ZNF638: variants seen among roughly 807,000 people sequenced by gnomAD.
ZNF638 encodes the protein CTCL tumor antigen se33-1.
In ZNF638, 46 loss-of-function variants were observed where a neutral mutation model predicts 195.6. The observed-to-expected ratio is 0.24, with a 90% CI of 0.19 to 0.30. The LOEUF is 0.30. Ranked by LOEUF, ZNF638 falls within the 10% of genes least tolerant of loss-of-function variation. ZNF638 has a pLI of 1.00. For missense variants in ZNF638, 2,440 were observed against 2,325.3 expected (o/e 1.05, Z -1.01); for synonymous variants, 845 against 772.0 (o/e 1.09, Z -1.57).
At chr2:71,362,235 G>C (rs1243793293) in intron 3 of ZNF638, among the ~76,000 whole-genome samples, 4 of 151,788 alleles carry the variant, frequency 2.6e-5, no homozygotes. Flanking sequence ...TTGTCGATGT[G>C]CCTAAGATTC....
chr2:71,396,965 A>G (rs1385603531), intron 11 of ZNF638, among the ~76,000 whole-genome samples: 2 of 152,148 alleles, frequency 1.3e-5, no homozygotes, highest in African/African-American at 4.8e-5. Context: ...AAACAAACAA[A>G]TAATCTTTCA....
At chr2:71,374,503 C>T (rs1303793565) in intron 8 of ZNF638, among the ~76,000 whole-genome samples, 1 of 152,020 alleles carries the variant, frequency 6.6e-6, no homozygotes, top group Non-Finnish European at 1.5e-5. Context: ...TAATCTTGAA[C>T]ATTTACTCCT....
At chr2:71,367,154 A>G (rs2104286770) in intron 6 of ZNF638, among the ~76,000 whole-genome samples, 1 of 152,202 alleles carries the variant, frequency 6.6e-6, no homozygotes, top group African/African-American at 2.4e-5. Flanking sequence ...GTATAGGGAA[A>G]ATTTTGAAGA....
At chr2:71,430,789 C>G (rs1471304905) in intron 25 of ZNF638, among the ~76,000 whole-genome samples, 1 of 152,122 alleles carries the variant, frequency 6.6e-6, no homozygotes, top group Non-Finnish European at 1.5e-5. Flanking sequence ...TTGTCTGTCC[C>G]CAAGATCATA....
chr2:71,332,127 A>G (rs1052140444), intron 1 of ZNF638, among the ~76,000 whole-genome samples: 2 of 152,060 alleles, frequency 1.3e-5, no homozygotes, highest in African/African-American at 2.4e-5. Flanking sequence ...CCGTCCGGGT[A>G]CTCGTGAAGG....
rs775818674 is a variant in ZNF638 at position 71,368,449 on chromosome 2, G to T, written c.2063G>T (p.Cys688Phe). ...ATAACTGAATTACCAGAGGATGGTT[G>T]TACTGAAGAAGATGTGAGAAAATTA... ...LLITELPEDGCTEEDVRKLFQ... is the reference protein window; with the variant it reads ...LLITELPEDGFTEEDVRKLFQ... The change falls in exon 7 of 28, where the codon TGT becomes TTT. Residue 688 changes from cysteine (C) to phenylalanine (F), a missense_variant. Around this residue, in one of 5 missense-constraint regions of ZNF638, gnomAD observed 1,883 missense variants for 1,739.1 expected, o/e 1.08. Coordinates refer to ENST00000264447, the MANE Select transcript of ZNF638 (RefSeq NM_014497.5). 6.2e-7 allele frequency: 1 copy of T among 1,613,490 alleles called. No individual in the cohort carries two copies. Among genetic ancestry groups the T allele is most frequent in the Non-Finnish European group, 8.5e-7 (1 of 1,179,654 alleles).
intron 13 of ZNF638, 129 bp from the exon 14 acceptor site, chr2:71,399,983 A>G: frequency 1.5e-6 from 1 of 667,310 alleles, no homozygotes; most frequent in East Asian, 3.1e-5. Context: ...TCAAAGAGAG[A>G]TGTTTGGCTT....
intron 10 of ZNF638, among the ~76,000 whole-genome samples, chr2:71,383,077 C>T (rs1054015824): frequency 1.3e-5 from 2 of 152,204 alleles, no homozygotes; most frequent in East Asian, 3.9e-4. Context: ...AATCCCAGCA[C>T]TTTGGGAGTT....
At chr2:71,390,662 G>C (rs1430347121) in intron 10 of ZNF638, among the ~76,000 whole-genome samples, 1 of 152,174 alleles carries the variant, frequency 6.6e-6, no homozygotes, top group Admixed American at 6.5e-5. Flanking sequence ...GTTAATCACT[G>C]ATCAGAGACC....
chr2:71,360,996 TA>T (rs1357506559), intron 3 of ZNF638, among the ~76,000 whole-genome samples: 1 of 152,156 alleles, frequency 6.6e-6, no homozygotes, highest in Non-Finnish European at 1.5e-5. Context: ...AACCTGAACC[TA>T]ATGAAGATCA....
intron 16 of ZNF638, among the ~76,000 whole-genome samples, chr2:71,403,439 C>G (rs1425488181): frequency 6.6e-6 from 1 of 152,088 alleles, no homozygotes; most frequent in Non-Finnish European, 1.5e-5. Context: ...AAAATGACTT[C>G]ACAATTGTTA....
At chr2:71,336,204 T>C (rs928465549) in intron 1 of ZNF638, among the ~76,000 whole-genome samples, 2 of 151,996 alleles carry the variant, frequency 1.3e-5, no homozygotes, top group Non-Finnish European at 2.9e-5. Context: ...AAACCCCGTC[T>C]CTACTAAAAA....
rs529409039 is a variant in ZNF638, at chr2:71,350,721, CAATT to C, written c.1317+454_1317+457del. 1.4e-3 allele frequency among the ~76,000 whole-genome samples: 214 copies of C among 152,216 alleles called. 1 individual carries two copies. The highest frequency in any genetic ancestry group is 5.0e-3 in the African/African-American group (206 of 41,536). On this transcript the variant is annotated intron_variant, in intron 2 of 27. Transcript: ENST00000264447. ...ATATACACCTGTCTTGGGATAAAGA[CAATT>C]AATGTTGATTTAAATATTTCCTGAC...
chr2:71,362,814 A>G (rs1306304453), intron 3 of ZNF638, among the ~76,000 whole-genome samples: 1 of 152,196 alleles, frequency 6.6e-6, no homozygotes, highest in African/African-American at 2.4e-5. Flanking sequence ...CATATGGAAT[A>G]TGATAGGAGT....
chr2:71,335,224 A>G (rs1244540166), intron 1 of ZNF638, among the ~76,000 whole-genome samples: 1 of 152,094 alleles, frequency 6.6e-6, no homozygotes, highest in Non-Finnish European at 1.5e-5. Flanking sequence ...AAAAATTCAT[A>G]GAGACAAGGT....
intron 20 of ZNF638, chr2:71,408,845 TAAAGAA>T (rs2080156321): frequency 3.9e-6 from 1 of 254,682 alleles, no homozygotes; most frequent in Non-Finnish European, 8.3e-6. Flanking sequence ...TTGCACTATC[TAAAGAA>T]AAAGGCAATT....
chr2:71,418,313 A>C (rs2080347436), intron 20 of ZNF638: 1 of 240,640 alleles, frequency 4.2e-6, no homozygotes, highest in Non-Finnish European at 7.8e-6. Context: ...TAGGGAAAAG[A>C]TAGAATTTCC....
intron 17 of ZNF638, 152 bp downstream of exon 17, chr2:71,404,150 C>A: frequency 1.4e-6 from 1 of 698,214 alleles, no homozygotes; most frequent in Non-Finnish European, 2.4e-6. Context: ...ATCACCCAGT[C>A]ACCCATCCCA....
chr2:71,416,852 C>A (rs562549209), intron 20 of ZNF638, among the ~76,000 whole-genome samples: 2 of 142,274 alleles, frequency 1.4e-5, no homozygotes, highest in East Asian at 4.3e-4. Context: ...TCTCCAGCTG[C>A]GTGCTGGGAG....
Sources: allele counts gnomAD v4.1 joint callset (sites outside exome capture counted in the v4.1 genomes callset), GRCh38; gene constraint gnomAD v4.1.1; regional missense constraint gnomAD v4.1.1; transcripts MANE v1.5; gene names NCBI Gene and HGNC (gene_info 2026-07-23, HGNC 2026-07-21).